OVCH1: variants seen among roughly 807,000 people sequenced by gnomAD.
OVCH1 encodes ovochymase 1.
OVCH1 carries 139 observed loss-of-function variants against 138.4 expected under a neutral mutation model. That is an observed-to-expected ratio of 1.00 (90% confidence interval 0.87 to 1.16). The LOEUF (loss-of-function observed/expected upper bound fraction) is 1.16. Among genes scored for constraint, OVCH1 ranks in the 50% most tolerant of loss-of-function variants. The pLI is 0.00. For missense variants in OVCH1, 1,367 were observed against 1,357.9 expected (o/e 1.01, Z -0.11); for synonymous variants, 453 against 467.8 (o/e 0.97, Z 0.41).
At chr12:29,424,107 A>G (rs1248300050), downstream of OVCH1, among the ~76,000 whole-genome samples, 1 of 152,216 alleles carries the variant, frequency 6.6e-6, no homozygotes, top group Non-Finnish European at 1.5e-5. Context: ...ACAGAGATTT[A>G]CTCACGTATT....
intron 25 of OVCH1, among the ~76,000 whole-genome samples, chr12:29,441,811 G>A (rs531345031): frequency 1.3e-5 from 2 of 152,224 alleles, no homozygotes; most frequent in Non-Finnish European, 2.9e-5. Context: ...AATGGGCAAA[G>A]GACATGAACA....
At chr12:29,489,975 C>T (rs76264586) in intron 5 of OVCH1, among the ~76,000 whole-genome samples, 3,609 of 152,272 alleles carry the variant, frequency 0.024, 164 homozygotes, top group African/African-American at 0.082. Flanking sequence ...TTTAAGGTAA[C>T]ATAGGCAATT....
intron 25 of OVCH1, among the ~76,000 whole-genome samples, chr12:29,441,168 C>A (rs1285499761): frequency 6.6e-6 from 1 of 152,174 alleles, no homozygotes; most frequent in East Asian, 1.9e-4. Flanking sequence ...CCAAGTCAAT[C>A]CTAAGCCAAA....
chr12:29,464,043 A>G (rs1020294105), intron 18 of OVCH1, among the ~76,000 whole-genome samples: 1 of 152,224 alleles, frequency 6.6e-6, no homozygotes, highest in Non-Finnish European at 1.5e-5. Context: ...AAGCCATTAA[A>G]TAAGAATGGT....
At chr12:29,429,437 C>T (rs1941232183) in intron 27 of OVCH1, among the ~76,000 whole-genome samples, 1 of 152,170 alleles carries the variant, frequency 6.6e-6, no homozygotes, top group Non-Finnish European at 1.5e-5. Context: ...TCACTGACAA[C>T]AAATGCTATT....
At chr12:29,407,181 A>G in the OVCH1 span, among the ~76,000 whole-genome samples, 2,401 of 147,532 alleles carry the variant, frequency 0.016, 30 homozygotes, top group Middle Eastern at 0.028. Context: ...AATTTGTTTG[A>G]GTTCATTGTA....
At chr12:29,470,348 G>A (rs556738559) in intron 16 of OVCH1, among the ~76,000 whole-genome samples, 14 of 152,134 alleles carry the variant, frequency 9.2e-5, no homozygotes, top group African/African-American at 3.4e-4. Flanking sequence ...AGCCCCACAT[G>A]CATTAGGTAT....
chr12:29,414,830 G>C (rs1941011662), intron 3 of OVCH1, among the ~76,000 whole-genome samples: 1 of 151,886 alleles, frequency 6.6e-6, no homozygotes, highest in Non-Finnish European at 1.5e-5. Flanking sequence ...TTGTGGAAAG[G>C]CTACCATGTA....
At chr12:29,403,697 GATAA>G in the OVCH1 span, among the ~76,000 whole-genome samples, 2 of 152,196 alleles carry the variant, frequency 1.3e-5, no homozygotes, top group African/African-American at 2.4e-5. Flanking sequence ...TGACGTGCCT[GATAA>G]ATAATCTCTT....
intron 22 of OVCH1, among the ~76,000 whole-genome samples, chr12:29,446,087 T>G (rs532990908): frequency 2.2e-4 from 34 of 152,264 alleles, no homozygotes; most frequent in South Asian, 8.3e-4. Flanking sequence ...CATTTTTTCT[T>G]CCTTAGTTCT....
chr12:29,451,535 T>A, exon 22 of OVCH1: 2 of 1,612,300 alleles, frequency 1.2e-6, no homozygotes, highest in Non-Finnish European at 1.7e-6. Flanking sequence ...GAAAAAAGCC[T>A]CTAGGCTTTT....
intron 19 of OVCH1, among the ~76,000 whole-genome samples, chr12:29,456,189 C>T (rs1272653530): frequency 1.3e-5 from 2 of 152,154 alleles, no homozygotes; most frequent in African/African-American, 4.8e-5. Context: ...CCATTTCACA[C>T]ACATAGGTAG....
chr12:29,456,001 A>G (rs987409177), intron 19 of OVCH1, among the ~76,000 whole-genome samples: 9 of 152,202 alleles, frequency 5.9e-5, no homozygotes, highest in African/African-American at 2.2e-4. Context: ...AAGAAAAGTT[A>G]AAGGCTGACT....
chr12:29,488,415 G>C (rs149156226), intron 6 of OVCH1, among the ~76,000 whole-genome samples: 1 of 151,792 alleles, frequency 6.6e-6, no homozygotes, highest in African/African-American at 2.4e-5. Context: ...TCACGAGTTC[G>C]AGACCAGCCT....
At chr12:29,488,429 C>G (rs533863106) in intron 6 of OVCH1, among the ~76,000 whole-genome samples, 1 of 151,862 alleles carries the variant, frequency 6.6e-6, no homozygotes, top group South Asian at 2.1e-4. Context: ...CCAGCCTGAC[C>G]AACATGGTGA....
intron 16 of OVCH1, among the ~76,000 whole-genome samples, chr12:29,469,782 G>A (rs1942440595): frequency 6.6e-6 from 1 of 152,102 alleles, no homozygotes; most frequent in Non-Finnish European, 1.5e-5. Flanking sequence ...GTTGAGGTGG[G>A]AGGATCCCTT....
intron 15 of OVCH1, among the ~76,000 whole-genome samples, chr12:29,472,714 C>A (rs541666582): frequency 6.6e-6 from 1 of 152,212 alleles, no homozygotes; most frequent in Non-Finnish European, 1.5e-5. Flanking sequence ...AAATAAAAAA[C>A]CTTTGTTTTC....
intron 22 of OVCH1, among the ~76,000 whole-genome samples, chr12:29,446,617 AC>A (rs1227982738): frequency 6.6e-6 from 1 of 152,152 alleles, no homozygotes; most frequent in Non-Finnish European, 1.5e-5. Context: ...CAGGTAATCT[AC>A]AATGAAGTTA....
intron 9 of OVCH1, among the ~76,000 whole-genome samples, chr12:29,478,620 TA>T (rs1942822213): frequency 1.3e-5 from 2 of 152,198 alleles, no homozygotes; most frequent in Admixed American, 6.5e-5. Flanking sequence ...GTCTGTAAGA[TA>T]AGATCATTGC....
Sources: gnomAD v4.1 joint callset for allele counts (sites outside exome capture counted in the v4.1 genomes callset) on GRCh38, gnomAD v4.1.1 for gene constraint, MANE v1.5 for transcripts, NCBI Gene and HGNC (gene_info 2026-07-23, HGNC 2026-07-21) for gene names.